Variants in SUGCT observed in about 807,000 individuals in gnomAD.
SUGCT encodes the protein succinyl-CoA:glutarate-CoA transferase.
A neutral mutation model predicts 55.0 loss-of-function variants in SUGCT; 41 were observed. The observed-to-expected ratio is 0.74, with a 90% confidence interval of 0.58 to 0.97. SUGCT has a LOEUF of 0.97. Ranked by LOEUF, SUGCT falls within the 50% of genes least tolerant of loss-of-function variation. The probability of loss-of-function intolerance (pLI) is 0.00; values close to 1 mark genes in which losing one functional copy is unlikely to be tolerated. For missense variants in SUGCT, 568 were observed against 547.8 expected (o/e 1.04, Z -0.37); for synonymous variants, 187 against 200.4 (o/e 0.93, Z 0.56).
At chr7:40,563,114 C>A (rs748421237) in intron 12 of SUGCT, among the ~76,000 whole-genome samples, 5 of 152,126 alleles carry the variant, frequency 3.3e-5, no homozygotes, top group Non-Finnish European at 5.9e-5. Context: ...CGCTCTATGT[C>A]CCGTCCTCCT....
rs1584348916 is a variant in SUGCT, at chr7:40,729,292, A to T, written c.1090-20142A>T. On this transcript the variant is annotated intron_variant, in intron 12 of 13. Transcript: ENST00000335693. ...TCAGGTACTGTGCTAGAGGCTAGGG[A>T]TATAAAGGTCAGTGAGCATGTCCCC... Among the ~76,000 whole-genome samples the T allele has an allele frequency of 2.0e-5, 3 of 152,230 alleles. 1 individual carries two copies. In the South Asian group the frequency reaches 6.2e-4, roughly 32 times the overall value.
At chr7:40,656,847 C>T (rs1801038967) in intron 12 of SUGCT, among the ~76,000 whole-genome samples, 1 of 152,212 alleles carries the variant, frequency 6.6e-6, no homozygotes, top group South Asian at 2.1e-4. Flanking sequence ...CCAGGCAAGA[C>T]CCTCAACTGG....
In SUGCT at chr7:40,676,490, C is replaced by T. The variant is rs1055852396; in HGVS notation, c.1090-72944C>T. Among the ~76,000 whole-genome samples, 9 of 145,378 alleles carry T rather than the reference C, an allele frequency of 6.2e-5. No homozygotes were observed. The East Asian group carries it at 1.6e-3, about 26-fold the overall frequency. The stretch of plus-strand genomic sequence containing the variant: ...ACACACCAAGGAGAAAAATCCCTTG[C>T]GGTTTTGTTTTTTGTTTTTTTTTTT... On this transcript the variant is annotated intron_variant, in intron 12 of 13. Transcript: ENST00000335693.
At chr7:41,010,129 T>C in the SUGCT span, among the ~76,000 whole-genome samples, 12 of 152,226 alleles carry the variant, frequency 7.9e-5, no homozygotes. Flanking sequence ...TTTTTCACCA[T>C]CTGAAATTTT....
At chr7:40,373,665 CA>C (rs920426094) in intron 9 of SUGCT, among the ~76,000 whole-genome samples, 4 of 152,044 alleles carry the variant, frequency 2.6e-5, no homozygotes, top group African/African-American at 9.7e-5. Context: ...CTGGAAGTCA[CA>C]TGCAAGTTTA....
At chr7:40,292,361 T>C (rs750188393) in intron 8 of SUGCT, among the ~76,000 whole-genome samples, 6 of 152,220 alleles carry the variant, frequency 3.9e-5, no homozygotes, top group Non-Finnish European at 8.8e-5. Flanking sequence ...CACTGTCTTC[T>C]TGGTGGGATA....
chr7:40,434,313 A>G (rs774224805), intron 9 of SUGCT, among the ~76,000 whole-genome samples: 15 of 152,114 alleles, frequency 9.9e-5, no homozygotes, highest in Non-Finnish European at 1.9e-4. Context: ...CTTGTATTTC[A>G]TAGAGTTCAA....
At chr7:40,361,273 C>T (rs559161019) in intron 9 of SUGCT, among the ~76,000 whole-genome samples, 54 of 152,090 alleles carry the variant, frequency 3.6e-4, no homozygotes, top group African/African-American at 1.2e-3. Context: ...CAGCTCAGCC[C>T]TCAAAAAGAG....
At chr7:40,246,484 A>G (rs988144585) in intron 7 of SUGCT, among the ~76,000 whole-genome samples, 4 of 151,846 alleles carry the variant, frequency 2.6e-5, no homozygotes, top group African/African-American at 7.3e-5. Context: ...TCCTGGGCTC[A>G]AGTTAATCTG....
chr7:40,846,232 G>A (rs12531482), intron 13 of SUGCT, among the ~76,000 whole-genome samples: 2,306 of 152,312 alleles, frequency 0.015, 144 homozygotes, highest in East Asian at 0.1. Flanking sequence ...CAAAGAGCTT[G>A]TATTGAATAT....
intron 9 of SUGCT, among the ~76,000 whole-genome samples, chr7:40,319,547 C>T (rs1206183769): frequency 6.6e-6 from 1 of 152,170 alleles, no homozygotes; most frequent in Non-Finnish European, 1.5e-5. Flanking sequence ...TCACTCTCCT[C>T]CATTCTTGTT....
At chr7:40,995,455 A>AAC in the SUGCT span, among the ~76,000 whole-genome samples, 1 of 151,354 alleles carries the variant, frequency 6.6e-6, no homozygotes, top group Non-Finnish European at 1.5e-5. Context: ...CATGACATTG[A>AAC]TTGCTTTGTT....
chr7:40,308,409 A>G (rs1267713244), intron 8 of SUGCT, among the ~76,000 whole-genome samples: 1 of 152,142 alleles, frequency 6.6e-6, no homozygotes, highest in Non-Finnish European at 1.5e-5. Context: ...TTTTTCTTAT[A>G]AAATGGGAGT....
chr7:40,254,655 A>G (rs1376644782), intron 7 of SUGCT, among the ~76,000 whole-genome samples: 2 of 151,514 alleles, frequency 1.3e-5, no homozygotes, highest in African/African-American at 4.8e-5. Context: ...TTGGCCTCCC[A>G]AGGTGCTGGG....
rs1373625724 is a variant in SUGCT at position 40,644,018 on chromosome 7, C to T, written c.1090-105416C>T. On this transcript the variant is annotated intron_variant, in intron 12 of 13. Coordinates refer to ENST00000335693, the MANE Select transcript of SUGCT (RefSeq NM_001193313.2). ...GAAAACCTGTCGTTTGGGATGGGTGCGGGAAGGTAGGAAGTCTGATCGTGA... is the reference window on the plus strand; with the variant it reads ...GAAAACCTGTCGTTTGGGATGGGTGTGGGAAGGTAGGAAGTCTGATCGTGA... Among the ~76,000 whole-genome samples the T allele has an allele frequency of 3.3e-5, 5 of 152,140 alleles. No homozygotes were observed. The South Asian group carries it at 6.2e-4, about 19-fold the overall frequency.
the SUGCT span, among the ~76,000 whole-genome samples, chr7:40,899,030 C>T: frequency 3.9e-5 from 6 of 152,112 alleles, no homozygotes; most frequent in African/African-American, 4.8e-5. Flanking sequence ...ATTGTTATTC[C>T]TTCTTCCCCA....
At chr7:40,789,707 A>T (rs983751108) in intron 13 of SUGCT, among the ~76,000 whole-genome samples, 32 of 152,222 alleles carry the variant, frequency 2.1e-4, no homozygotes, top group African/African-American at 7.5e-4. Context: ...AGTCCCAAGA[A>T]ATAGAGTCCT....
intron 11 of SUGCT, among the ~76,000 whole-genome samples, chr7:40,492,767 A>C (rs1475363316): frequency 1.3e-5 from 2 of 152,124 alleles, no homozygotes; most frequent in Non-Finnish European, 2.9e-5. Flanking sequence ...GTCCAGTGCA[A>C]GTCTCCCTCT....
the SUGCT span, among the ~76,000 whole-genome samples, chr7:40,915,431 G>A: frequency 6.6e-6 from 1 of 152,086 alleles, no homozygotes; most frequent in Admixed American, 6.6e-5. Context: ...ATTCATAGGA[G>A]GAATTGTCTA....
Sources: allele counts gnomAD v4.1 joint callset (sites outside exome capture counted in the v4.1 genomes callset), GRCh38; gene constraint gnomAD v4.1.1; transcripts MANE v1.5; gene names NCBI Gene and HGNC (gene_info 2026-07-23, HGNC 2026-07-21).